The following GOLT1A variants were observed in gnomAD, a reference collection of about 807,000 sequenced individuals.
GOLT1A encodes vesicle transport protein GOT1A.
In GOLT1A, 10 loss-of-function variants were observed where a neutral mutation model predicts 16.1. The observed-to-expected ratio is 0.62, with a 90% CI of 0.38 to 1.05. The LOEUF is 1.05. Among genes scored for constraint, GOLT1A ranks in the 50% least tolerant of loss-of-function variants. The pLI, the probability that GOLT1A is intolerant of heterozygous loss-of-function variation, is 0.01. For synonymous variants in GOLT1A, 60 were observed against 67.9 expected (o/e 0.88, Z 0.57); for missense variants, 137 against 165.7 (o/e 0.83, Z 0.95).
Position 204,202,979 on chromosome 1 carries a change from C to T in GOLT1A, c.34G>A (p.Val12Met), listed in dbSNP as rs1450161529. 2 of 1,613,894 alleles carry T rather than the reference C, an allele frequency of 1.2e-6. No individual in the cohort carries two copies. Among genetic ancestry groups the T allele is most frequent in the South Asian group, 2.2e-5 (2 of 91,072 alleles). The change falls in exon 2 of 5, where the codon GTG (valine) becomes ATG (methionine). Residue 12 changes from valine (V) to methionine (M), a missense_variant. Transcript: ENST00000308302. ...ISITEWQKIG[V>M]GITGFGIFFI... ...AAGATGCCGAAACCGGTGATCCCCA[C>T]ACCAATCTCTGCAATGGGCAAGGAG...
intron 1 of GOLT1A, among the ~76,000 whole-genome samples, chr1:204,204,191 G>A (rs1056995647): frequency 6.6e-6 from 1 of 152,122 alleles, no homozygotes; most frequent in Non-Finnish European, 1.5e-5. Flanking sequence ...CACATAAAAT[G>A]AGACTTACCA....
At chr1:204,201,859 G>A in intron 2 of GOLT1A, 48 bp from the exon 3 acceptor site, 1 of 1,574,514 alleles carries the variant, frequency 6.4e-7, no homozygotes, top group South Asian at 1.1e-5. Flanking sequence ...AGCCCCCTGA[G>A]GAGTGAGGGA....
At chr1:204,203,579 G>A (rs1424127314) in intron 1 of GOLT1A, among the ~76,000 whole-genome samples, 2 of 152,190 alleles carry the variant, frequency 1.3e-5, no homozygotes, top group South Asian at 2.1e-4. Context: ...ACTGGATTGG[G>A]AAAACAGAAG....
chr1:204,201,436 CTCTA>C (rs1658956746), intron 3 of GOLT1A, among the ~76,000 whole-genome samples, 193 bp downstream of exon 3: 3 of 152,152 alleles, frequency 2.0e-5, no homozygotes, highest in Non-Finnish European at 4.4e-5. Flanking sequence ...ACAGTCGGCA[CTCTA>C]TCAGTATTTG....
In GOLT1A at chr1:204,201,628, C is replaced by T. The variant is rs1658962695; in HGVS notation, c.296+5G>A. On this transcript the variant is annotated splice_donor_5th_base_variant and intron_variant, in intron 3 of 4. Transcript: ENST00000308302. ...CTGTCCAGGGTTATAGGGATTTGCACTCACTTAAAGAGGCTGAAGAATCCG... is the reference window on the plus strand; with the variant it reads ...CTGTCCAGGGTTATAGGGATTTGCATTCACTTAAAGAGGCTGAAGAATCCG... The T allele has an allele frequency of 1.2e-6, 2 of 1,613,856 alleles. No homozygotes were observed. The highest frequency in any genetic ancestry group is 2.2e-5 in the East Asian group (1 of 44,880).
At chr1:204,199,153 C>T (rs1488136349) in intron 4 of GOLT1A, 42 bp downstream of exon 4, 3 of 1,529,574 alleles carry the variant, frequency 2.0e-6, no homozygotes, top group South Asian at 2.4e-5. Context: ...CCCCCTCACT[C>T]CCCAGGGTAC....
In GOLT1A at chr1:204,201,726, G is replaced by T. The variant is rs760441123; in HGVS notation, c.203C>A (p.Thr68Asn). 6.2e-7 allele frequency: 1 copy of T among 1,614,144 alleles called. No individual in the cohort carries two copies. Among genetic ancestry groups the T allele is most frequent in the Non-Finnish European group, 8.5e-7 (1 of 1,180,030 alleles). Residue 68 changes from threonine to asparagine, a missense_variant, in exon 3 of 5, where the codon ACC becomes AAC. Coordinates refer to ENST00000308302, the MANE Select transcript of GOLT1A (RefSeq NM_198447.2). Reference protein sequence around the residue: ...FFFQRHKLKGTSFLLGGVVIV... With the variant: ...FFFQRHKLKGNSFLLGGVVIV... ...AACCACACCCCCCAGGAGGAAGCTG[G>T]TTCCCTTGAGTTTGTGCCGTTGGAA... is the stretch of plus-strand genomic sequence containing the variant.
rs144286378 is a variant in GOLT1A, at chr1:204,201,653, G to A, written c.276C>T (p.Tyr92=). The A allele has an allele frequency of 4.4e-5, 71 of 1,613,992 alleles. No individual in the cohort carries two copies. Among genetic ancestry groups the A allele is most frequent in the Middle Eastern group, 1.6e-4 (1 of 6,084 alleles). Residue 92 remains tyrosine (Y), a synonymous_variant, in exon 3 of 5, where the codon TAC becomes TAT. Coordinates refer to ENST00000308302, the MANE Select transcript of GOLT1A (RefSeq NM_198447.2). ...CTCACTTAAAGAGGCTGAAGAATCC[G>A]TAGGTTTCCAGGAACATGCCGAGGA... The part of the protein sequence containing the change: ...WPLLGMFLET[Y]GFFSLFKGFF...
chr1:204,202,956 G>A lies in GOLT1A; in HGVS notation c.57C>T (p.Ile19=), dbSNP rs768727398. ...KIGVGITGFG[I]FFILFGTLLY... ...GGAGTGTTCCAAAGAGGATGAAGAA[G>A]ATGCCGAAACCGGTGATCCCCACAC... The change falls in exon 2 of 5, where the codon ATC becomes ATT. Residue 19 remains isoleucine (I), a synonymous_variant. Coordinates refer to ENST00000308302, the MANE Select transcript of GOLT1A (RefSeq NM_198447.2). 7.4e-6 allele frequency: 12 copies of A among 1,614,122 alleles called. No individual in the cohort carries two copies. In the East Asian group the frequency reaches 2.2e-4, roughly 30 times the overall value.
At chr1:204,207,563 G>C (rs1369078746) in intron 1 of GOLT1A, among the ~76,000 whole-genome samples, 1 of 152,196 alleles carries the variant, frequency 6.6e-6, no homozygotes, top group Non-Finnish European at 1.5e-5. Context: ...GAAAAGCCAG[G>C]TTCAATGTCT....
At position 204,201,888 on chromosome 1, in the gene GOLT1A, C is replaced by A. The variant is rs75815971; in HGVS notation, c.118-77G>T. The A allele has an allele frequency of 0.03, 41,983 of 1,389,510 alleles. 782 individuals carry two copies. The highest frequency in any genetic ancestry group is 0.062 in the Middle Eastern group (294 of 4,772). The allele number at this position is 1,389,510 out of a possible 1,614,324, so 86.1% of individuals were successfully genotyped here. A position where few individuals can be genotyped will look rare whatever the true frequency, so the allele number is the denominator to read the frequency against. On this transcript the variant is annotated intron_variant, in intron 2 of 4. Coordinates refer to ENST00000308302, the MANE Select transcript of GOLT1A (RefSeq NM_198447.2). ...TGAGGGACTTAGGCCTGGAGCCAGG[C>A]GGTGGGCTGGGACAGGATGTGCTAA...
At position 204,199,231 on chromosome 1, in the gene GOLT1A, G is replaced by A. The variant is rs1249298397; in HGVS notation, c.324C>T (p.Phe108=). 3 of 1,604,012 alleles carry A rather than the reference G, an allele frequency of 1.9e-6. No individual in the cohort carries two copies. Among genetic ancestry groups the A allele is most frequent in the African/African-American group, 1.3e-5 (1 of 74,880 alleles). The change falls in exon 4 of 5, where the codon TTC becomes TTT. Residue 108 remains phenylalanine (F), a synonymous_variant. Transcript: ENST00000308302. ...AGGGGATGTTGCAGACATTGCCCAG[G>A]AAGCCGAAGGCGACAGGGAAAAAGC... The part of the protein sequence containing the change: ...FKGFFPVAFG[F]LGNVCNIPFL...
intron 3 of GOLT1A, among the ~76,000 whole-genome samples, chr1:204,199,518 T>A (rs1383702021): frequency 6.6e-6 from 1 of 152,164 alleles, no homozygotes; most frequent in Non-Finnish European, 1.5e-5. Context: ...CCTTAACTTC[T>A]CTGAATCTCA....
rs1007494859 is a variant in GOLT1A at position 204,200,621 on chromosome 1, C to T, written c.296+1012G>A. Among the ~76,000 whole-genome samples the T allele has an allele frequency of 3.3e-5, 5 of 152,094 alleles. No individual in the cohort carries two copies. In the East Asian group the frequency reaches 9.7e-4, roughly 29 times the overall value. ...GGGATTATAGGTGTGAGCCACTGCA[C>T]CCAGCCATAAAATGACATATTTGAA... On this transcript the variant is annotated intron_variant, in intron 3 of 4. Coordinates refer to ENST00000308302, the MANE Select transcript of GOLT1A (RefSeq NM_198447.2).
chr1:204,211,327 T>C (rs951986576), intron 1 of GOLT1A, among the ~76,000 whole-genome samples: 6 of 152,144 alleles, frequency 3.9e-5, no homozygotes, highest in African/African-American at 1.4e-4. Context: ...GGCCCAGGCC[T>C]GCCTGCCCAC....
chr1:204,204,178 G>C (rs114216688), intron 1 of GOLT1A, among the ~76,000 whole-genome samples: 1,589 of 152,136 alleles, frequency 0.01, 9 homozygotes, highest in Non-Finnish European at 0.017. Flanking sequence ...TTGTGGCAAC[G>C]TGCACATAAA....
At chr1:204,198,808 G>A (rs1658904664) in intron 4 of GOLT1A, 3 of 489,138 alleles carry the variant, frequency 6.1e-6, no homozygotes, top group African/African-American at 1.9e-5. Context: ...TTTTCCTGCT[G>A]TCATCAGCTG....
chr1:204,204,589 T>C (rs148082449), intron 1 of GOLT1A, among the ~76,000 whole-genome samples: 90 of 152,358 alleles, frequency 5.9e-4, no homozygotes, highest in African/African-American at 2.0e-3. Context: ...CTCTTACCTA[T>C]TGTAAATAGT....
At chr1:204,199,298 C>G (rs1351844238) in intron 3 of GOLT1A, 40 bp from the exon 4 acceptor site, 1 of 1,530,186 alleles carries the variant, frequency 6.5e-7, no homozygotes, top group Non-Finnish European at 9.0e-7. Flanking sequence ...AGTGATGGCC[C>G]AGGAAGAGAG....
Sources: allele counts gnomAD v4.1 joint callset (sites outside exome capture counted in the v4.1 genomes callset), GRCh38; gene constraint gnomAD v4.1.1; transcripts MANE v1.5; gene names NCBI Gene and HGNC (gene_info 2026-07-23, HGNC 2026-07-21).